The following RNF38 variants were observed in gnomAD, a reference collection of about 807,000 sequenced individuals.
The protein encoded by RNF38 is E3 ubiquitin-protein ligase RNF38.
In RNF38, 15 loss-of-function variants were observed where a neutral mutation model predicts 67.2. The observed-to-expected ratio is 0.22, with a 90% CI of 0.15 to 0.34. RNF38 has a LOEUF of 0.34. RNF38 is among the 10% of genes least tolerant of loss of function. The pLI is 1.00. For missense variants in RNF38, 524 were observed against 639.9 expected (o/e 0.82, Z 1.95); for synonymous variants, 220 against 218.8 (o/e 1.01, Z -0.05).
chr9:36,477,679 C>T (rs982368406), intron 1 of RNF38, among the ~76,000 whole-genome samples: 15 of 151,550 alleles, frequency 9.9e-5, no homozygotes, highest in African/African-American at 3.2e-4. Flanking sequence ...AAAAATTAGC[C>T]GGGCGTGGTG....
At chr9:36,365,725 G>A (rs1301340876) in intron 4 of RNF38, among the ~76,000 whole-genome samples, 1 of 126,984 alleles carries the variant, frequency 7.9e-6, no homozygotes, top group Non-Finnish European at 1.6e-5. Flanking sequence ...GAGTGCAGTG[G>A]TGCAATCTTG....
intron 1 of RNF38, among the ~76,000 whole-genome samples, chr9:36,486,624 G>A (rs574843161): frequency 6.6e-6 from 1 of 152,190 alleles, no homozygotes; most frequent in South Asian, 2.1e-4. Context: ...GGTGGGGAAG[G>A]TGGCCTGGCA....
intron 5 of RNF38, among the ~76,000 whole-genome samples, chr9:36,357,341 A>G (rs183216265): frequency 7.8e-4 from 119 of 152,308 alleles, no homozygotes; most frequent in African/African-American, 2.8e-3. Context: ...ATAGTAAGGA[A>G]TAAGACAAAG....
chr9:36,482,035 CAGAT>C (rs1246169099), intron 1 of RNF38, among the ~76,000 whole-genome samples: 1 of 150,634 alleles, frequency 6.6e-6, no homozygotes, highest in African/African-American at 2.4e-5. Context: ...CTCCATTTAC[CAGAT>C]ACTTTTGTCT....
chr9:36,395,821 T>C (rs1406335111), intron 1 of RNF38, among the ~76,000 whole-genome samples: 1 of 152,212 alleles, frequency 6.6e-6, no homozygotes. Flanking sequence ...TAACAAATAC[T>C]TGCTAAGTAA....
chr9:36,487,093 G>C (rs111853442), intron 1 of RNF38, among the ~76,000 whole-genome samples: 5 of 152,292 alleles, frequency 3.3e-5, no homozygotes, highest in East Asian at 1.9e-4. Context: ...GCACACCCTG[G>C]GGGAGGGGGC....
rs749062716 is a variant in RNF38 at position 36,351,094 on chromosome 9, A to T, written c.1263+21T>A. 4.0e-6 allele frequency: 6 copies of T among 1,507,982 alleles called. No individual in the cohort carries two copies. The South Asian group carries it at 6.8e-5, about 17-fold the overall frequency. 93.4% of individuals were successfully genotyped at this position (1,507,982 alleles called of 1,614,324 possible). ...CATGCACACAATATTCCCCAAATTA[A>T]TTCACAATTCATCTACTAACCTCGT... is the stretch of plus-strand genomic sequence containing the variant. On this transcript the variant is annotated intron_variant, in intron 9 of 11. Coordinates refer to ENST00000259605, the MANE Select transcript of RNF38 (RefSeq NM_022781.5).
At chr9:36,433,824 C>T (rs1257144012) in intron 1 of RNF38, among the ~76,000 whole-genome samples, 1 of 151,948 alleles carries the variant, frequency 6.6e-6, no homozygotes, top group East Asian at 1.9e-4. Context: ...AGTTTGATAA[C>T]ACACTATATT....
intron 1 of RNF38, among the ~76,000 whole-genome samples, chr9:36,444,669 G>A (rs1433962723): frequency 6.6e-6 from 1 of 152,198 alleles, no homozygotes; most frequent in East Asian, 1.9e-4. Flanking sequence ...AAGTGGTGGT[G>A]CACACCTATA....
At chr9:36,425,608 C>G (rs947985417) in intron 1 of RNF38, among the ~76,000 whole-genome samples, 2 of 151,990 alleles carry the variant, frequency 1.3e-5, no homozygotes, top group African/African-American at 4.8e-5. Flanking sequence ...GAAGGAGAAT[C>G]ACTTAAACCC....
intron 2 of RNF38, among the ~76,000 whole-genome samples, chr9:36,410,170 C>T (rs1184705777): frequency 4.6e-5 from 7 of 151,994 alleles, no homozygotes; most frequent in African/African-American, 1.7e-4. Context: ...TAATCATATA[C>T]TAAATAAATT....
In RNF38 at chr9:36,369,931, G is replaced by C. The variant is rs1835251686; in HGVS notation, c.358C>G (p.Pro120Ala). The change falls in exon 4 of 12, where the codon CCT becomes GCT. Residue 120 changes from proline (P) to alanine (A), a missense_variant and splice_region_variant. Pro to Ala is a conservative substitution (Grantham distance 27, BLOSUM62 -1). Around this residue, in one of 2 missense-constraint regions of RNF38, gnomAD observed 461 missense variants for 517.4 expected, o/e 0.89. Coordinates refer to ENST00000259605, the MANE Select transcript of RNF38 (RefSeq NM_022781.5). The part of the protein sequence containing the change: ...CNTPARNRRS[P>A]PVRRQRGRRD... ...CTTCCTCTCTGGCGCCTGACAGGAG[G>C]ACTGTGATAAATATCAAAAAGAAAG... 1 of 1,611,312 alleles carries C rather than the reference G, an allele frequency of 6.2e-7. No homozygotes were observed. Among genetic ancestry groups the C allele is most frequent in the African/African-American group, 1.3e-5 (1 of 74,808 alleles).
intron 11 of RNF38, 73 bp downstream of exon 11, chr9:36,342,252 G>C: frequency 1.9e-6 from 2 of 1,053,094 alleles, no homozygotes; most frequent in Non-Finnish European, 1.5e-6. Context: ...ACTGAGCTAT[G>C]AACTTACTCT....
intron 3 of RNF38, chr9:36,372,437 T>C (rs1835458956): frequency 7.9e-6 from 5 of 634,322 alleles, no homozygotes; most frequent in Non-Finnish European, 1.4e-5. Context: ...ATTGCATTTA[T>C]TAATAGTATC....
intron 4 of RNF38, 116 bp from the exon 5 acceptor site, chr9:36,358,058 T>C (rs1178362416): frequency 1.3e-6 from 1 of 749,294 alleles, no homozygotes; most frequent in East Asian, 2.6e-5. Context: ...ATTTTCACAA[T>C]GTACTCTCCA....
intron 3 of RNF38, among the ~76,000 whole-genome samples, chr9:36,370,501 G>A (rs1004102062): frequency 6.6e-6 from 1 of 151,910 alleles, no homozygotes; most frequent in Non-Finnish European, 1.5e-5. Context: ...GAATATGATT[G>A]AGAATATGAT....
At chr9:36,409,676 C>A (rs1038117290) in intron 2 of RNF38, among the ~76,000 whole-genome samples, 3 of 152,198 alleles carry the variant, frequency 2.0e-5, no homozygotes, top group Non-Finnish European at 4.4e-5. Context: ...GACCAGCTCA[C>A]TAAAACTGCC....
chr9:36,427,327 TC>T (rs1211097218), intron 1 of RNF38, among the ~76,000 whole-genome samples: 9 of 152,306 alleles, frequency 5.9e-5, no homozygotes, highest in African/African-American at 9.6e-5. Context: ...AGTCTACACT[TC>T]CATCAGTCCC....
intron 1 of RNF38, among the ~76,000 whole-genome samples, chr9:36,391,221 T>C (rs1837055617): frequency 6.6e-6 from 1 of 152,188 alleles, no homozygotes; most frequent in Non-Finnish European, 1.5e-5. Flanking sequence ...TTCCAATGCT[T>C]GATTTGGCCA....
Sources: allele counts gnomAD v4.1 joint callset (sites outside exome capture counted in the v4.1 genomes callset), GRCh38; gene constraint gnomAD v4.1.1; regional missense constraint gnomAD v4.1.1; transcripts MANE v1.5; gene names NCBI Gene and HGNC (gene_info 2026-07-23, HGNC 2026-07-21).